Variants in TAFA1 observed in about 807,000 individuals in gnomAD.
TAFA1 encodes the protein chemokine-like protein TAFA-1.
Under a neutral mutation model 18.5 loss-of-function variants are expected in TAFA1, and 4 were observed. That is an observed-to-expected ratio of 0.22 (90% confidence interval 0.11 to 0.49). The LOEUF is 0.49. Among genes scored for constraint, TAFA1 ranks in the 20% least tolerant of loss-of-function variants. TAFA1 has a pLI of 0.98. For synonymous variants in TAFA1, 56 were observed against 55.2 expected (o/e 1.01, Z -0.06); for missense variants, 147 against 169.0 (o/e 0.87, Z 0.72).
chr3:68,316,487 T>G (rs1055098730), intron 2 of TAFA1, among the ~76,000 whole-genome samples: 2 of 152,228 alleles, frequency 1.3e-5, no homozygotes, highest in African/African-American at 2.4e-5. Flanking sequence ...TTTCATAATG[T>G]TCTGCCTTTT....
chr3:68,433,239 A>G (rs759334779), intron 3 of TAFA1, among the ~76,000 whole-genome samples: 12 of 151,900 alleles, frequency 7.9e-5, no homozygotes, highest in Admixed American at 2.0e-4. Flanking sequence ...CTCATGGCCC[A>G]TGTCCATTTT....
At chr3:68,452,158 A>T (rs996824871) in intron 3 of TAFA1, among the ~76,000 whole-genome samples, 2 of 152,188 alleles carry the variant, frequency 1.3e-5, no homozygotes, top group Non-Finnish European at 2.9e-5. Flanking sequence ...CCTGAAGGAC[A>T]TGCGGTTGTG....
At chr3:68,269,702 A>C (rs1206177756) in intron 2 of TAFA1, among the ~76,000 whole-genome samples, 1 of 151,766 alleles carries the variant, frequency 6.6e-6, no homozygotes, top group African/African-American at 2.4e-5. Flanking sequence ...TAGTGGGATC[A>C]CCAGAGGCCA....
At position 68,337,395 on chromosome 3, in the gene TAFA1, A is replaced by C. The variant is rs1164268279; in HGVS notation, c.119-79885A>C. 2.0e-5 allele frequency among the ~76,000 whole-genome samples: 3 copies of C among 152,230 alleles called. No individual in the cohort carries two copies. The South Asian group carries it at 6.2e-4, about 32-fold the overall frequency. On this transcript the variant is annotated intron_variant, in intron 2 of 4. Transcript: ENST00000478136. ...TAGAACAAGGGGGAAATCCTCCCCCATGATCCAATCACCTCCCACCAGGCC... is the reference window on the plus strand; with the variant it reads ...TAGAACAAGGGGGAAATCCTCCCCCCTGATCCAATCACCTCCCACCAGGCC...
chr3:68,158,251 C>G (rs2065886805), intron 2 of TAFA1, among the ~76,000 whole-genome samples: 1 of 152,064 alleles, frequency 6.6e-6, no homozygotes, highest in Non-Finnish European at 1.5e-5. Flanking sequence ...AGAAGTGCCT[C>G]CCCACTCTGT....
At chr3:68,143,881 T>C (rs1363077887) in intron 2 of TAFA1, among the ~76,000 whole-genome samples, 1 of 152,194 alleles carries the variant, frequency 6.6e-6, no homozygotes, top group Non-Finnish European at 1.5e-5. Context: ...CATAACCTAG[T>C]TTGGTTCCTC....
chr3:68,241,721 T>TATGA (rs1231360934), intron 2 of TAFA1, among the ~76,000 whole-genome samples: 2 of 152,124 alleles, frequency 1.3e-5, no homozygotes, highest in African/African-American at 4.8e-5. Flanking sequence ...GATAGATGGC[T>TATGA]ATGAATGGGC....
chr3:68,192,361 C>T (rs1326943711), intron 2 of TAFA1: 2 of 157,636 alleles, frequency 1.3e-5, no homozygotes, highest in Non-Finnish European at 2.8e-5. Flanking sequence ...CCTTCACCAC[C>T]TGGCCTCCAT....
At chr3:68,275,288 T>G (rs2067772626) in intron 2 of TAFA1, among the ~76,000 whole-genome samples, 1 of 151,952 alleles carries the variant, frequency 6.6e-6, no homozygotes, top group Non-Finnish European at 1.5e-5. Context: ...GAGGGCAATC[T>G]TTGTGGGGGA....
intron 2 of TAFA1, among the ~76,000 whole-genome samples, chr3:68,193,940 G>A (rs530598942): frequency 6.6e-6 from 1 of 151,742 alleles, no homozygotes; most frequent in African/African-American, 2.4e-5. Flanking sequence ...GCTGAGCAAA[G>A]TTATATTTTT....
rs1216039867 is a variant in TAFA1 at position 68,544,928 on chromosome 3, CTTTGT to C, written c.*432_*436del. ...AGTTTTGGATGTTTTGTCTGTTTTG[CTTTGT>C]TTTGTTAGTCATTTCTTTTTCTAAC... On this transcript the variant is annotated 3_prime_UTR_variant, in exon 5 of 5. Transcript: ENST00000478136. 6.6e-6 allele frequency: 1 copy of C among 151,916 alleles called. No homozygotes were observed. The highest frequency in any genetic ancestry group is 1.5e-5 in the Non-Finnish European group (1 of 68,016). The allele number at this position is 151,916 out of a possible 1,614,324, so 9.4% of individuals were successfully genotyped here. A position where few individuals can be genotyped will look rare whatever the true frequency, so the allele number is the denominator to read the frequency against.
chr3:68,274,292 T>A (rs1268195373), intron 2 of TAFA1, among the ~76,000 whole-genome samples: 1 of 152,184 alleles, frequency 6.6e-6, no homozygotes, highest in Non-Finnish European at 1.5e-5. Flanking sequence ...TAAAAAGAGC[T>A]ATGATGAAAG....
intron 2 of TAFA1, among the ~76,000 whole-genome samples, chr3:68,018,822 G>A (rs558868281): frequency 5.9e-5 from 9 of 152,194 alleles, no homozygotes; most frequent in Admixed American, 3.3e-4. Flanking sequence ...CACCTAGCTT[G>A]GGAGGGCAAG....
At chr3:68,030,985 T>C (rs1473085026) in intron 2 of TAFA1, among the ~76,000 whole-genome samples, 4 of 152,170 alleles carry the variant, frequency 2.6e-5, no homozygotes, top group African/African-American at 9.7e-5. Context: ...CCAGAAAGAA[T>C]TGTACCAACA....
At position 68,340,422 on chromosome 3, in the gene TAFA1, G is replaced by A. The variant is rs753725242; in HGVS notation, c.119-76858G>A. 5.9e-5 allele frequency among the ~76,000 whole-genome samples: 9 copies of A among 152,308 alleles called. No individual in the cohort carries two copies. The East Asian group carries it at 1.7e-3, about 29-fold the overall frequency. ...CATATGTCAATATGTCATGTGAATG[G>A]AATGACTTTAAATGTAGAAGGCATT... On this transcript the variant is annotated intron_variant, in intron 2 of 4. Transcript: ENST00000478136.
At chr3:68,183,188 A>C (rs1416285125) in intron 2 of TAFA1, among the ~76,000 whole-genome samples, 2 of 152,178 alleles carry the variant, frequency 1.3e-5, no homozygotes, top group Non-Finnish European at 2.9e-5. Flanking sequence ...GTTTTGCCCA[A>C]GTTCACCTTT....
At chr3:68,517,602 GA>G (rs1264390690) in intron 3 of TAFA1, among the ~76,000 whole-genome samples, 1 of 152,266 alleles carries the variant, frequency 6.6e-6, no homozygotes, top group Admixed American at 6.5e-5. Context: ...CTGTACTGAA[GA>G]AAATATTTGA....
chr3:68,211,008 A>G (rs1031291634), intron 2 of TAFA1, among the ~76,000 whole-genome samples: 2 of 151,928 alleles, frequency 1.3e-5, no homozygotes, highest in East Asian at 3.9e-4. Context: ...TTGAAAGGAG[A>G]CCTTTGTCCC....
chr3:67,994,626 T>A, the TAFA1 span, among the ~76,000 whole-genome samples: 1 of 152,172 alleles, frequency 6.6e-6, no homozygotes, highest in East Asian at 1.9e-4. Flanking sequence ...TACTCTTCTT[T>A]CCAGGGTGTC....
Sources: gnomAD v4.1 joint callset for allele counts (sites outside exome capture counted in the v4.1 genomes callset) on GRCh38, gnomAD v4.1.1 for gene constraint, MANE v1.5 for transcripts, NCBI Gene and HGNC (gene_info 2026-07-23, HGNC 2026-07-21) for gene names.